Variants in RBFOX1 observed in about 807,000 individuals in gnomAD.
RBFOX1 encodes RNA binding protein fox-1 homolog 1.
Under a neutral mutation model 57.7 loss-of-function variants are expected in RBFOX1, and 8 were observed. The observed-to-expected ratio is 0.14, with a 90% CI of 0.08 to 0.25. The LOEUF is 0.25. RBFOX1 is among the 10% of genes least tolerant of loss of function. The probability of loss-of-function intolerance (pLI) is 1.00; values close to 1 mark genes in which losing one functional copy is unlikely to be tolerated. For missense variants in RBFOX1, 611 were observed against 548.5 expected, an observed-to-expected ratio of 1.11 and a Z score of -1.14; for synonymous variants, 326 against 222.4, an observed-to-expected ratio of 1.47 and a Z score of -4.15.
At chr16:5,716,371 T>A (rs973522502) in intron 3 of RBFOX1, among the ~76,000 whole-genome samples, 5 of 152,194 alleles carry the variant, frequency 3.3e-5, no homozygotes, top group African/African-American at 9.7e-5. Context: ...GCCTACTAGT[T>A]ATTTTTCCTG....
intron 2 of RBFOX1, among the ~76,000 whole-genome samples, chr16:6,589,659 T>C (rs1396550300): frequency 3.3e-5 from 5 of 152,240 alleles, no homozygotes; most frequent in Non-Finnish European, 5.9e-5. Context: ...TAATTTCTAA[T>C]CTTGTGGCTC....
intron 1 of RBFOX1, among the ~76,000 whole-genome samples, chr16:5,255,123 C>G (rs962555711): frequency 7.2e-5 from 11 of 152,230 alleles, no homozygotes; most frequent in African/African-American, 2.6e-4. Flanking sequence ...TTTTGACTTT[C>G]CTAGTCAATA....
chr16:7,170,213 T>A (rs982559104), intron 4 of RBFOX1, among the ~76,000 whole-genome samples: 2 of 152,212 alleles, frequency 1.3e-5, no homozygotes, highest in Non-Finnish European at 2.9e-5. Context: ...ATTAATACTT[T>A]TTAAAACAAT....
At chr16:7,113,829 T>G (rs1280281506) in intron 4 of RBFOX1, among the ~76,000 whole-genome samples, 2 of 152,176 alleles carry the variant, frequency 1.3e-5, no homozygotes, top group Admixed American at 1.3e-4. Flanking sequence ...GACATTAAAG[T>G]GGCCTCCCAC....
At chr16:7,001,386 GTGTATGTGTATTTGTATATGTATA>G (rs1284187600) in intron 3 of RBFOX1, among the ~76,000 whole-genome samples, 10 of 121,512 alleles carry the variant, frequency 8.2e-5, no homozygotes, top group African/African-American at 4.4e-4. Context: ...GTATGTGTAT[GTGTATGTGTATTTGTATATGTATA>G]TGTATATGTA....
intron 3 of RBFOX1, among the ~76,000 whole-genome samples, chr16:6,792,292 A>G (rs1225225686): frequency 6.6e-6 from 1 of 152,224 alleles, no homozygotes; most frequent in East Asian, 1.9e-4. Flanking sequence ...ATACATCTAA[A>G]GTTTGGAAAA....
chr16:7,597,363 G>T lies in RBFOX1; in HGVS notation c.562-8G>T, dbSNP rs1283928972. 1.9e-6 allele frequency: 3 copies of T among 1,604,854 alleles called. No homozygotes were observed. The highest frequency in any genetic ancestry group is 2.2e-5 in the East Asian group (1 of 44,636). ...ATATGTGCTTACTTGAGTTTTCTAT[G>T]TACATAGGTAAATAATGCCACAGCA... On this transcript the variant is annotated splice_polypyrimidine_tract_variant and splice_region_variant and intron_variant, in intron 8 of 15. Transcript: ENST00000550418.
intron 3 of RBFOX1, among the ~76,000 whole-genome samples, chr16:6,924,996 G>C (rs1408107432): frequency 6.7e-6 from 1 of 150,158 alleles, no homozygotes; most frequent in Non-Finnish European, 1.5e-5. Context: ...TTTCATCCAT[G>C]TCCGTACAAA....
intron 2 of RBFOX1, among the ~76,000 whole-genome samples, chr16:6,650,288 T>A (rs911227722): frequency 1.2e-4 from 15 of 122,630 alleles, no homozygotes; most frequent in Non-Finnish European, 1.7e-4. Flanking sequence ...TTATTTATTT[T>A]TTTCTTTTTT....
At chr16:5,649,390 G>C (rs577820443) in intron 3 of RBFOX1, among the ~76,000 whole-genome samples, 1 of 152,206 alleles carries the variant, frequency 6.6e-6, no homozygotes, top group East Asian at 2.0e-4. Context: ...GGTTGGTCTT[G>C]AACTCCTGAC....
chr16:6,688,637 C>T (rs1410309956), intron 3 of RBFOX1, among the ~76,000 whole-genome samples: 11 of 152,054 alleles, frequency 7.2e-5, no homozygotes. Flanking sequence ...GATTGGTATT[C>T]TTTATTTTAT....
intron 1 of RBFOX1, among the ~76,000 whole-genome samples, chr16:6,237,600 G>A (rs1230025122): frequency 6.6e-6 from 1 of 152,098 alleles, no homozygotes; most frequent in Non-Finnish European, 1.5e-5. Context: ...AAATTAGTGG[G>A]GCGTGGTGGT....
rs189146022 is a variant in RBFOX1 at position 5,465,640 on chromosome 16, C to T, written c.220-1576C>T. On this transcript the variant is annotated intron_variant, in intron 1 of 2. Coordinates refer to the RBFOX1 transcript ENST00000585867. ...GAGATGGAGCTGACTCACCCTAGCC[C>T]ATGTTCGTTGTTAATTTCATGGTCA... is the stretch of plus-strand genomic sequence containing the variant. 2.6e-5 allele frequency among the ~76,000 whole-genome samples: 4 copies of T among 152,312 alleles called. No homozygotes were observed. The East Asian group carries it at 7.7e-4, about 29-fold the overall frequency.
intron 3 of RBFOX1, among the ~76,000 whole-genome samples, chr16:6,871,661 A>T (rs1262303173): frequency 6.7e-6 from 1 of 150,114 alleles, no homozygotes; most frequent in Non-Finnish European, 1.5e-5. Context: ...ACACTTCTAA[A>T]CTGGCCTTTC....
intron 2 of RBFOX1, among the ~76,000 whole-genome samples, chr16:6,371,153 T>C (rs1177896913): frequency 6.6e-6 from 1 of 152,194 alleles, no homozygotes; most frequent in Non-Finnish European, 1.5e-5. Context: ...CAGTAAAAAC[T>C]TTCTCACTGT....
intron 4 of RBFOX1, among the ~76,000 whole-genome samples, chr16:7,379,006 C>T (rs1320832743): frequency 6.6e-6 from 1 of 152,214 alleles, no homozygotes; most frequent in Non-Finnish European, 1.5e-5. Flanking sequence ...TAGATATCTA[C>T]TCTCTAAATG....
intron 3 of RBFOX1, among the ~76,000 whole-genome samples, chr16:6,683,374 T>C (rs1331407383): frequency 2.0e-5 from 3 of 152,118 alleles, no homozygotes; most frequent in Non-Finnish European, 2.9e-5. Flanking sequence ...TTCATGGAAT[T>C]GTGGTTATGT....
intron 12 of RBFOX1, among the ~76,000 whole-genome samples, chr16:7,656,183 T>C (rs895295541): frequency 2.0e-5 from 3 of 152,140 alleles, no homozygotes; most frequent in Admixed American, 6.5e-5. Context: ...AGGACTAAGA[T>C]TGCAAGCATT....
intron 3 of RBFOX1, among the ~76,000 whole-genome samples, chr16:6,948,317 A>T (rs1013731379): frequency 6.7e-6 from 1 of 149,962 alleles, no homozygotes; most frequent in Non-Finnish European, 1.5e-5. Flanking sequence ...AAATAAAGCC[A>T]GGTAATGGAA....
Sources: gnomAD v4.1 joint callset for allele counts (sites outside exome capture counted in the v4.1 genomes callset) on GRCh38, gnomAD v4.1.1 for gene constraint, MANE v1.5 for transcripts, NCBI Gene and HGNC (gene_info 2026-07-23, HGNC 2026-07-21) for gene names.